COG6: variants seen among roughly 807,000 people sequenced by gnomAD.
The protein encoded by COG6 is component of oligomeric golgi complex 6, also known as conserved oligomeric Golgi complex subunit 6.
Under a neutral mutation model 88.8 loss-of-function variants are expected in COG6, and 74 were observed. The observed-to-expected ratio is 0.83, with a 90% CI of 0.69 to 1.01. COG6 has a LOEUF of 1.01. Ranked by LOEUF, COG6 falls within the 50% of genes least tolerant of loss-of-function variation. COG6 has a pLI of 0.00. For synonymous variants in COG6, 286 were observed against 278.7 expected, an observed-to-expected ratio of 1.03 and a Z score of -0.26; for missense variants, 800 against 797.9, an observed-to-expected ratio of 1.00 and a Z score of -0.03.
At chr13:39,661,094 G>C (rs1045751179) in intron 3 of COG6, among the ~76,000 whole-genome samples, 5 of 151,898 alleles carry the variant, frequency 3.3e-5, no homozygotes. Context: ...TTTATATTTT[G>C]GTCTAGCCAG....
At chr13:39,749,407 AT>A (rs1236204906) in intron 18 of COG6, among the ~76,000 whole-genome samples, 5 of 152,174 alleles carry the variant, frequency 3.3e-5, no homozygotes, top group Non-Finnish European at 5.9e-5. Flanking sequence ...ATTCTAAACA[AT>A]TTTTTAAGTA....
intron 18 of COG6, among the ~76,000 whole-genome samples, chr13:39,786,215 G>A (rs1881768414): frequency 6.6e-6 from 1 of 152,210 alleles, no homozygotes. Flanking sequence ...CCAGGCTTGG[G>A]AGGCCAGGCT....
intron 18 of COG6, among the ~76,000 whole-genome samples, chr13:39,733,595 GT>G (rs796265357): frequency 1.4e-3 from 197 of 145,188 alleles, no homozygotes; most frequent in Non-Finnish European, 1.9e-3. Flanking sequence ...TTGTTGTACT[GT>G]TTTTTTTTTT....
chr13:39,680,241 A>T (rs551677054), intron 7 of COG6, among the ~76,000 whole-genome samples, 196 bp downstream of exon 7: 4 of 152,300 alleles, frequency 2.6e-5, no homozygotes, highest in Non-Finnish European at 5.9e-5. Flanking sequence ...AAAATATTTT[A>T]AAAAAGAAAA....
chr13:39,659,453 T>G lies in COG6; in HGVS notation c.243T>G (p.Arg81=). The change falls in exon 2 of 19, where the codon CGT becomes CGG. Residue 81 remains arginine (R), a synonymous_variant. Coordinates refer to ENST00000455146, the MANE Select transcript of COG6 (RefSeq NM_020751.3). ...GAAATTTACGTGGAGATATTGAACG[T>G]AAAAGTTTAGCCATCAATGAAGAAT... The part of the protein sequence containing the change: ...TRRNLRGDIE[R]KSLAINEEFV... 6.2e-7 allele frequency: 1 copy of G among 1,613,638 alleles called. No homozygotes were observed. The highest frequency in any genetic ancestry group is 8.5e-7 in the Non-Finnish European group (1 of 1,179,756).
chr13:39,781,979 T>G (rs879215008), intron 18 of COG6, among the ~76,000 whole-genome samples: 4 of 152,232 alleles, frequency 2.6e-5, no homozygotes, highest in Admixed American at 2.6e-4. Context: ...GGTTCTTAAC[T>G]TACAATGTGA....
At chr13:39,715,712 G>A (rs1404376465) in intron 13 of COG6, among the ~76,000 whole-genome samples, 1 of 151,872 alleles carries the variant, frequency 6.6e-6, no homozygotes, top group Non-Finnish European at 1.5e-5. Flanking sequence ...AAAACAAATG[G>A]AAACACAAGA....
rs1326841877 is a variant in COG6, at chr13:39,751,253, A to C, written c.*160A>C. 1.3e-6 allele frequency: 2 copies of C among 1,515,112 alleles called. No homozygotes were observed. The highest frequency in any genetic ancestry group is 2.8e-5 in the African/African-American group (2 of 72,176). The allele number at this position is 1,515,112 out of a possible 1,614,324, so 93.9% of individuals were successfully genotyped here. ...TTTTTTTTTTTTTGGTCTCAGTAAC[A>C]GGGAAGTAAGTAACATGTTGACCTG... On this transcript the variant is annotated 3_prime_UTR_variant, in exon 19 of 19. Transcript: ENST00000455146.
At chr13:39,705,697 A>C (rs1308384345) in intron 13 of COG6, among the ~76,000 whole-genome samples, 4 of 152,186 alleles carry the variant, frequency 2.6e-5, no homozygotes, top group South Asian at 2.1e-4. Flanking sequence ...ATTGTCATTT[A>C]AATTCTAGGA....
At chr13:39,775,005 A>G (rs564172972) in intron 18 of COG6, among the ~76,000 whole-genome samples, 123 of 152,246 alleles carry the variant, frequency 8.1e-4, no homozygotes, top group Admixed American at 2.0e-3. Flanking sequence ...CAAAGCTACA[A>G]AAATGACAAT....
chr13:39,684,243 A>ATGTTTTTTTTTTT (rs1876492152), intron 8 of COG6, among the ~76,000 whole-genome samples: 1 of 67,382 alleles, frequency 1.5e-5, no homozygotes, highest in Non-Finnish European at 2.5e-5. Context: ...AATTTGGAAG[A>ATGTTTTTTTTTTT]TTTTTTTTTT....
In COG6 at chr13:39,751,333, C is replaced by T. The variant is rs1323038311; in HGVS notation, c.*240C>T. On this transcript the variant is annotated 3_prime_UTR_variant, in exon 19 of 19. Coordinates refer to ENST00000455146, the MANE Select transcript of COG6 (RefSeq NM_020751.3). Reference sequence around the variant, plus strand: ...TGAGATGATCTATTTTTTTGCTAGCCATCTCTCCAGCTCTGCAGTTTTCAC... The same window carrying T: ...TGAGATGATCTATTTTTTTGCTAGCTATCTCTCCAGCTCTGCAGTTTTCAC... 5 of 1,456,788 alleles carry T rather than the reference C, an allele frequency of 3.4e-6. No individual in the cohort carries two copies. Among genetic ancestry groups the T allele is most frequent in the Non-Finnish European group, 4.5e-6 (5 of 1,099,910 alleles). The allele number at this position is 1,456,788 out of a possible 1,614,324, so 90.2% of individuals were successfully genotyped here. A position where few individuals can be genotyped will look rare whatever the true frequency, so the allele number is the denominator to read the frequency against.
intron 4 of COG6, among the ~76,000 whole-genome samples, chr13:39,670,425 A>G (rs1208725907): frequency 6.6e-6 from 1 of 152,108 alleles, no homozygotes; most frequent in Non-Finnish European, 1.5e-5. Flanking sequence ...TAAAATGGAA[A>G]GAATATAGGA....
chr13:39,681,427 T>G (rs1876308363), intron 7 of COG6, among the ~76,000 whole-genome samples: 1 of 152,158 alleles, frequency 6.6e-6, no homozygotes, highest in East Asian at 1.9e-4. Flanking sequence ...TGACTCAAAT[T>G]TTTTTGTGCT....
chr13:39,747,761 T>A (rs1880418901), intron 18 of COG6, among the ~76,000 whole-genome samples: 1 of 152,214 alleles, frequency 6.6e-6, no homozygotes. Flanking sequence ...AGCTAATTTA[T>A]ATAGCTTAGA....
intron 13 of COG6, among the ~76,000 whole-genome samples, chr13:39,711,403 C>G (rs1336692810): frequency 6.6e-6 from 1 of 152,116 alleles, no homozygotes; most frequent in African/African-American, 2.4e-5. Context: ...TTATAGAATT[C>G]AAGTAAAAAT....
intron 8 of COG6, 83 bp from the exon 9 acceptor site, chr13:39,687,420 G>A (rs1167783604): frequency 1.6e-6 from 2 of 1,275,238 alleles, no homozygotes; most frequent in East Asian, 2.3e-5. Flanking sequence ...TAAGTACTTG[G>A]TTGTCTCAGA....
At chr13:39,706,199 TTATATATATACTCCTTTATA>T in intron 13 of COG6, among the ~76,000 whole-genome samples, 1 of 93,474 alleles carries the variant, frequency 1.1e-5, no homozygotes, top group African/African-American at 4.0e-5. Context: ...CACACTTCTT[TTATATATATACTCCTTTATA>T]TATATATATA....
chr13:39,681,746 T>C (rs1460443236), intron 7 of COG6, among the ~76,000 whole-genome samples: 1 of 152,222 alleles, frequency 6.6e-6, no homozygotes, highest in Admixed American at 6.5e-5. Flanking sequence ...CACTATATAT[T>C]AGTTAACCAC....
Sources: gnomAD v4.1 joint callset for allele counts (sites outside exome capture counted in the v4.1 genomes callset) on GRCh38, gnomAD v4.1.1 for gene constraint, MANE v1.5 for transcripts, NCBI Gene and HGNC (gene_info 2026-07-23, HGNC 2026-07-21) for gene names.